CTNNA3: variants seen among roughly 807,000 people sequenced by gnomAD.
CTNNA3 encodes the protein catenin alpha-3.
A neutral mutation model predicts 95.7 loss-of-function variants in CTNNA3; 76 were observed. That is an observed-to-expected ratio of 0.79 (90% confidence interval 0.66 to 0.96). The LOEUF (loss-of-function observed/expected upper bound fraction) is 0.96. CTNNA3 is among the 40% of genes least tolerant of loss of function. The pLI, the probability that CTNNA3 is intolerant of heterozygous loss-of-function variation, is 0.00. For synonymous variants in CTNNA3, 431 were observed against 374.4 expected, an observed-to-expected ratio of 1.15 and a Z score of -1.74; for missense variants, 1,191 against 1,089.8, an observed-to-expected ratio of 1.09 and a Z score of -1.31.
At chr10:66,305,004 C>T (rs1173683556) in intron 12 of CTNNA3, among the ~76,000 whole-genome samples, 1 of 152,000 alleles carries the variant, frequency 6.6e-6, no homozygotes, top group Admixed American at 6.6e-5. Context: ...GGCTCCTCTC[C>T]CTTCTGCCTC....
At chr10:67,070,040 C>T (rs1856352235) in intron 7 of CTNNA3, among the ~76,000 whole-genome samples, 3 of 152,200 alleles carry the variant, frequency 2.0e-5, no homozygotes, top group Admixed American at 2.0e-4. Flanking sequence ...TTCCATTGCT[C>T]TACATCGTTG....
chr10:67,274,069 T>C (rs1407482168), intron 5 of CTNNA3, among the ~76,000 whole-genome samples: 1 of 152,110 alleles, frequency 6.6e-6, no homozygotes, highest in Non-Finnish European at 1.5e-5. Flanking sequence ...AACAAAAACA[T>C]TGGAAAATAA....
At chr10:67,732,882 TCACGCACACA>T (rs1841283322) in intron 1 of CTNNA3, among the ~76,000 whole-genome samples, 1 of 122,270 alleles carries the variant, frequency 8.2e-6, no homozygotes, top group Admixed American at 7.6e-5. Context: ...TTTCTCTCAC[TCACGCACACA>T]CACACACACA....
intron 5 of CTNNA3, among the ~76,000 whole-genome samples, chr10:67,388,643 T>G (rs12259959): frequency 0.047 from 7,109 of 149,748 alleles, 180 homozygotes; most frequent in South Asian, 0.095. Context: ...GGAAAAAATG[T>G]TAAGGGCAGC....
chr10:66,583,916 C>T (rs1421055399), intron 10 of CTNNA3, among the ~76,000 whole-genome samples: 1 of 151,740 alleles, frequency 6.6e-6, no homozygotes, highest in Non-Finnish European at 1.5e-5. Flanking sequence ...TTTAAATTTC[C>T]ACCTTAATGT....
chr10:66,950,411 A>G (rs1848482830), intron 7 of CTNNA3, among the ~76,000 whole-genome samples: 1 of 152,068 alleles, frequency 6.6e-6, no homozygotes, highest in Non-Finnish European at 1.5e-5. Flanking sequence ...GATATACTAT[A>G]TGTTTAATAA....
At chr10:66,170,865 G>A (rs972278527) in intron 13 of CTNNA3, among the ~76,000 whole-genome samples, 2 of 152,190 alleles carry the variant, frequency 1.3e-5, no homozygotes, top group Admixed American at 1.3e-4. Flanking sequence ...TGGGCACAGT[G>A]GCTCTTGCCT....
At chr10:66,797,351 C>T (rs978720944) in intron 7 of CTNNA3, among the ~76,000 whole-genome samples, 1 of 150,604 alleles carries the variant, frequency 6.6e-6, no homozygotes, top group African/African-American at 2.4e-5. Flanking sequence ...TACATTTCCA[C>T]CACACTAGCA....
intron 3 of CTNNA3, among the ~76,000 whole-genome samples, chr10:67,552,514 G>A (rs2133231768): frequency 6.6e-6 from 1 of 152,114 alleles, no homozygotes; most frequent in Non-Finnish European, 1.5e-5. Context: ...CTGCCTGCTA[G>A]AGTCTCGGGG....
intron 5 of CTNNA3, among the ~76,000 whole-genome samples, chr10:67,309,662 G>A (rs887717309): frequency 6.6e-6 from 1 of 152,078 alleles, no homozygotes; most frequent in Non-Finnish European, 1.5e-5. Context: ...TGCAGAACAG[G>A]AACTGTGATG....
intron 13 of CTNNA3, among the ~76,000 whole-genome samples, chr10:66,262,770 C>T (rs539579040): frequency 6.6e-6 from 1 of 151,860 alleles, no homozygotes; most frequent in East Asian, 1.9e-4. Context: ...TTTGGTATAA[C>T]AAGAGTGTAT....
At chr10:66,423,071 C>T (rs1438947300) in intron 11 of CTNNA3, among the ~76,000 whole-genome samples, 2 of 152,132 alleles carry the variant, frequency 1.3e-5, no homozygotes, top group Admixed American at 1.3e-4. Context: ...AACTCCAACT[C>T]TCATCTTCTC....
intron 7 of CTNNA3, among the ~76,000 whole-genome samples, chr10:66,838,307 T>C (rs553614143): frequency 4.3e-4 from 66 of 152,214 alleles, no homozygotes; most frequent in Middle Eastern, 6.8e-3. Context: ...TGTTAGATGA[T>C]TCATGTATAA....
rs565314977 is a variant in CTNNA3 at position 67,685,674 on chromosome 10, G to T, written c.-6+10326C>A. On this transcript the variant is annotated intron_variant, in intron 1 of 17. Transcript: ENST00000433211. ...TTGAGTGTTATAGGGTTACAGAGAA[G>T]ACCTTCAATTATCAATTATAGGTTT... 3.3e-5 allele frequency among the ~76,000 whole-genome samples: 5 copies of T among 152,340 alleles called. No homozygotes were observed. The South Asian group carries it at 1.0e-3, about 32-fold the overall frequency.
chr10:67,219,470 CAAG>C (rs1864546751), intron 6 of CTNNA3, 134 bp downstream of exon 6: 4 of 906,576 alleles, frequency 4.4e-6, no homozygotes, highest in Non-Finnish European at 6.5e-6. Flanking sequence ...TTGGAAGACT[CAAG>C]AAGGTGATAG....
intron 7 of CTNNA3, among the ~76,000 whole-genome samples, chr10:67,164,724 G>A (rs191639302): frequency 1.3e-4 from 19 of 151,996 alleles, no homozygotes; most frequent in East Asian, 1.2e-3. Flanking sequence ...TAGAAAATAG[G>A]CAAAAAACAT....
intron 11 of CTNNA3, among the ~76,000 whole-genome samples, chr10:66,499,169 C>T (rs574127714): frequency 2.0e-5 from 3 of 152,216 alleles, no homozygotes; most frequent in East Asian, 3.9e-4. Flanking sequence ...TAGAATCCTA[C>T]TAACTTCTGG....
intron 7 of CTNNA3, among the ~76,000 whole-genome samples, chr10:66,867,778 A>G (rs2132430440): frequency 6.6e-6 from 1 of 151,648 alleles, no homozygotes; most frequent in African/African-American, 2.4e-5. Context: ...TAAAATCAAT[A>G]TTTTTCAATG....
At chr10:67,637,105 A>G (rs1420122121) in intron 2 of CTNNA3, among the ~76,000 whole-genome samples, 1 of 152,184 alleles carries the variant, frequency 6.6e-6, no homozygotes, top group Non-Finnish European at 1.5e-5. Flanking sequence ...CAAAGAAGTT[A>G]AAAACCTTGA....
Sources: gnomAD v4.1 joint callset for allele counts (sites outside exome capture counted in the v4.1 genomes callset) on GRCh38, gnomAD v4.1.1 for gene constraint, MANE v1.5 for transcripts, NCBI Gene and HGNC (gene_info 2026-07-23, HGNC 2026-07-21) for gene names.